NELL2: variants seen among roughly 807,000 people sequenced by gnomAD.
NELL2 encodes the protein neural EGFL like 2.
In NELL2, 41 loss-of-function variants were observed where a neutral mutation model predicts 109.6. The ratio of observed to expected loss-of-function variants is 0.37; its 90% CI spans 0.29 to 0.49. NELL2 has a LOEUF of 0.49. Ranked by LOEUF, NELL2 falls within the 20% of genes least tolerant of loss-of-function variation. The pLI is 0.98. For missense variants in NELL2, 900 were observed against 1,008.3 expected (o/e 0.89, Z 1.45); for synonymous variants, 355 against 344.7 (o/e 1.03, Z -0.33).
chr12:44,670,472 T>C (rs1164840379), intron 12 of NELL2, among the ~76,000 whole-genome samples: 3 of 151,696 alleles, frequency 2.0e-5, no homozygotes, highest in Non-Finnish European at 4.4e-5. Flanking sequence ...CACCTATTAA[T>C]AAAAACCTTG....
At chr12:44,708,402 T>C (rs1396666224) in intron 11 of NELL2, among the ~76,000 whole-genome samples, 1 of 152,178 alleles carries the variant, frequency 6.6e-6, no homozygotes, top group Non-Finnish European at 1.5e-5. Context: ...CTTCATCTCA[T>C]GCTCTGCTCT....
rs1555190886 is a variant in NELL2 at position 44,644,625 on chromosome 12, T to TACAC, written c.1444+20858_1444+20859insGTGT. ...ATATGTATGTATATATATATATATA[T>TACAC]ACATACATATATATATATATATATA... On this transcript the variant is annotated intron_variant, in intron 13 of 19. Transcript: ENST00000429094. Among the ~76,000 whole-genome samples, 111 of 98,750 alleles carry TACAC rather than the reference T, an allele frequency of 1.1e-3. 2 individuals carry two copies. The East Asian group carries it at 0.032, about 29-fold the overall frequency. The allele number at this position is 98,750 out of a possible 152,430, so 64.8% of individuals were successfully genotyped here. A position where few individuals can be genotyped will look rare whatever the true frequency, so the allele number is the denominator to read the frequency against.
At chr12:44,565,581 T>C (rs1005533922) in intron 15 of NELL2, among the ~76,000 whole-genome samples, 1 of 152,102 alleles carries the variant, frequency 6.6e-6, no homozygotes, top group Non-Finnish European at 1.5e-5. Context: ...AAGTGCAAAG[T>C]CCCAGGAGAC....
In NELL2 at chr12:44,596,016, G is replaced by T. The variant is rs565281436; in HGVS notation, c.1663+11153C>A. Among the ~76,000 whole-genome samples the T allele has an allele frequency of 3.3e-5, 5 of 152,058 alleles. No individual in the cohort carries two copies. In the East Asian group the frequency reaches 9.7e-4, roughly 29 times the overall value. ...TCTTCTTAAGAGCAATTTCTTCTGGGGTTACCATACCTGACAAGATTTGTA... is the reference window on the plus strand; with the variant it reads ...TCTTCTTAAGAGCAATTTCTTCTGGTGTTACCATACCTGACAAGATTTGTA... On this transcript the variant is annotated intron_variant, in intron 15 of 19. Coordinates refer to ENST00000429094, the MANE Select transcript of NELL2 (RefSeq NM_001145108.2).
chr12:44,808,197 G>GA (rs886702625), intron 3 of NELL2, among the ~76,000 whole-genome samples: 169 of 151,930 alleles, frequency 1.1e-3, no homozygotes, highest in African/African-American at 4.0e-3. Flanking sequence ...GACAGGAAGG[G>GA]AAAAAAAATG....
intron 13 of NELL2, among the ~76,000 whole-genome samples, chr12:44,612,022 A>G (rs1399173350): frequency 1.3e-5 from 2 of 152,064 alleles, no homozygotes. Context: ...AATTACATTG[A>G]TTGAGCCATT....
chr12:44,860,069 T>C (rs1415798162), intron 2 of NELL2, among the ~76,000 whole-genome samples: 2 of 152,082 alleles, frequency 1.3e-5, no homozygotes, highest in African/African-American at 4.8e-5. Flanking sequence ...GAAAAAAAAA[T>C]ACAATAAAAA....
At chr12:44,802,039 A>AT (rs1274723189) in intron 3 of NELL2, among the ~76,000 whole-genome samples, 1 of 152,006 alleles carries the variant, frequency 6.6e-6, no homozygotes, top group African/African-American at 2.4e-5. Flanking sequence ...CCCAATCTTT[A>AT]TTTTACATCA....
chr12:44,582,901 A>T (rs1944372248), intron 15 of NELL2, among the ~76,000 whole-genome samples: 1 of 152,074 alleles, frequency 6.6e-6, no homozygotes, highest in Admixed American at 6.6e-5. Context: ...TAGGTGTGTT[A>T]TCCTGAGGGT....
intron 3 of NELL2, among the ~76,000 whole-genome samples, chr12:44,787,813 A>T (rs573617066): frequency 2.3e-4 from 35 of 152,318 alleles, no homozygotes; most frequent in African/African-American, 7.2e-4. Context: ...TTATCTCAAC[A>T]TGGATCACAA....
intron 1 of NELL2, among the ~76,000 whole-genome samples, chr12:44,884,293 T>C (rs1945447133): frequency 6.6e-6 from 1 of 151,912 alleles, no homozygotes; most frequent in South Asian, 2.1e-4. Context: ...CCTAAGTATA[T>C]ATGCACCTAA....
upstream of NELL2, among the ~76,000 whole-genome samples, chr12:44,915,006 C>T (rs1326509796): frequency 1.4e-5 from 2 of 146,438 alleles, no homozygotes; most frequent in East Asian, 4.2e-4. Flanking sequence ...CTCGCCACCA[C>T]GCCCGGCTAA....
upstream of NELL2, among the ~76,000 whole-genome samples, chr12:44,880,233 T>A (rs1945396608): frequency 6.6e-6 from 1 of 151,736 alleles, no homozygotes; most frequent in Admixed American, 6.6e-5. Context: ...TAAGAATGTT[T>A]AAGTGATTGG....
At chr12:44,563,731 G>A (rs767398893) in intron 15 of NELL2, among the ~76,000 whole-genome samples, 25 of 152,066 alleles carry the variant, frequency 1.6e-4, no homozygotes, top group Non-Finnish European at 2.2e-4. Context: ...TTGAAAATAC[G>A]GAACTGTCAG....
chr12:44,585,763 G>T (rs769215965), intron 15 of NELL2, among the ~76,000 whole-genome samples: 21 of 151,698 alleles, frequency 1.4e-4, no homozygotes, highest in Non-Finnish European at 2.8e-4. Context: ...ACAATGTCTG[G>T]AGACATTTTT....
At chr12:44,728,305 C>T (rs1939189738) in intron 9 of NELL2, among the ~76,000 whole-genome samples, 1 of 151,848 alleles carries the variant, frequency 6.6e-6, no homozygotes, top group African/African-American at 2.4e-5. Context: ...TTTAAAATGA[C>T]CAAACAGATA....
intron 9 of NELL2, among the ~76,000 whole-genome samples, chr12:44,731,637 A>T (rs1365472445): frequency 6.6e-6 from 1 of 152,136 alleles, no homozygotes; most frequent in African/African-American, 2.4e-5. Flanking sequence ...CATAGCTAAC[A>T]TTATACTCAA....
intron 19 of NELL2, among the ~76,000 whole-genome samples, chr12:44,510,613 T>G (rs145429706): frequency 8.2e-4 from 125 of 152,352 alleles, no homozygotes; most frequent in African/African-American, 2.8e-3. Context: ...ATTATCAGTT[T>G]AACTTATTTG....
chr12:44,914,374 C>A (rs1945810635), upstream of NELL2, among the ~76,000 whole-genome samples: 1 of 152,124 alleles, frequency 6.6e-6, no homozygotes, highest in South Asian at 2.1e-4. Flanking sequence ...TTCTTTCTGC[C>A]TGGAATGCTC....
Sources: gnomAD v4.1 joint callset for allele counts (sites outside exome capture counted in the v4.1 genomes callset) on GRCh38, gnomAD v4.1.1 for gene constraint, MANE v1.5 for transcripts, NCBI Gene and HGNC (gene_info 2026-07-23, HGNC 2026-07-21) for gene names.